Variants in FAM107B observed in about 807,000 individuals in gnomAD.
The protein encoded by FAM107B is protein FAM107B.
FAM107B carries 21 observed loss-of-function variants against 31.5 expected under a neutral mutation model. That is an observed-to-expected ratio of 0.67 (90% CI 0.47 to 0.96). The LOEUF is 0.96. Ranked by LOEUF, FAM107B falls within the 40% of genes least tolerant of loss-of-function variation. The pLI, the probability that FAM107B is intolerant of heterozygous loss-of-function variation, is 0.00. For missense variants in FAM107B, 452 were observed against 377.1 expected, an observed-to-expected ratio of 1.20 and a Z score of -1.64; for synonymous variants, 157 against 141.5, an observed-to-expected ratio of 1.11 and a Z score of -0.78.
intron 1 of FAM107B, among the ~76,000 whole-genome samples, chr10:14,675,007 C>A (rs1374116022): frequency 4.6e-5 from 7 of 152,106 alleles, no homozygotes; most frequent in Admixed American, 3.9e-4. Context: ...TGTTTTTAAG[C>A]CCCTTCTCTG....
chr10:14,675,666 A>G (rs574577770), intron 1 of FAM107B, among the ~76,000 whole-genome samples: 1 of 152,314 alleles, frequency 6.6e-6, no homozygotes, highest in East Asian at 1.9e-4. Context: ...TTCTATTAGG[A>G]GCCATATAAC....
intron 2 of FAM107B, among the ~76,000 whole-genome samples, chr10:14,646,885 C>G (rs1189483187): frequency 6.7e-6 from 1 of 150,146 alleles, no homozygotes; most frequent in East Asian, 2.0e-4. Flanking sequence ...GCTCCGCCTC[C>G]TGGATTCACG....
In FAM107B at chr10:14,519,225, G is replaced by A. The variant is rs766481006; in HGVS notation, c.*1965C>T. ...AGGAACAGAAATGGTCCTTCTAAAG[G>A]AGCCTACCAGGGCCCCTGTGAATAC... On this transcript the variant is annotated 3_prime_UTR_variant, in exon 5 of 5. Transcript: ENST00000181796. The A allele has an allele frequency of 3.3e-5, 5 of 151,870 alleles. No individual in the cohort carries two copies. Among genetic ancestry groups the A allele is most frequent in the Non-Finnish European group, 7.4e-5 (5 of 67,974 alleles). The allele number at this position is 151,870 out of a possible 1,614,324, so 9.4% of individuals were successfully genotyped here.
At chr10:14,547,843 C>A (rs1848843530) in intron 2 of FAM107B, among the ~76,000 whole-genome samples, 1 of 152,162 alleles carries the variant, frequency 6.6e-6, no homozygotes. Context: ...TAAGTTGGCT[C>A]TTATTTGATT....
At chr10:14,657,497 A>G (rs968615646) in intron 2 of FAM107B, among the ~76,000 whole-genome samples, 2 of 152,146 alleles carry the variant, frequency 1.3e-5, no homozygotes, top group African/African-American at 2.4e-5. Flanking sequence ...AGACACCTCC[A>G]GCCCCAAATC....
At chr10:14,560,611 G>C (rs1564567351) in intron 2 of FAM107B, among the ~76,000 whole-genome samples, 1 of 152,158 alleles carries the variant, frequency 6.6e-6, no homozygotes, top group Non-Finnish European at 1.5e-5. Flanking sequence ...AGTCAGACAT[G>C]GCTCACCTGC....
intron 1 of FAM107B, among the ~76,000 whole-genome samples, chr10:14,752,618 T>A (rs994186353): frequency 6.6e-6 from 1 of 152,174 alleles, no homozygotes; most frequent in Non-Finnish European, 1.5e-5. Context: ...TGTTGGCGAC[T>A]ATAAGATGAA....
At chr10:14,620,259 C>A (rs976827081) in intron 2 of FAM107B, among the ~76,000 whole-genome samples, 1 of 148,016 alleles carries the variant, frequency 6.8e-6, no homozygotes, top group Non-Finnish European at 1.5e-5. Context: ...CCTCGTGATC[C>A]GCCCACCTTG....
chr10:14,651,945 T>C (rs543340688), intron 2 of FAM107B, among the ~76,000 whole-genome samples: 66 of 152,200 alleles, frequency 4.3e-4, no homozygotes, highest in African/African-American at 1.5e-3. Context: ...TCAATAAGAT[T>C]CATACAGAGG....
intron 2 of FAM107B, among the ~76,000 whole-genome samples, chr10:14,666,378 C>T (rs548251166): frequency 1.3e-5 from 2 of 152,054 alleles, no homozygotes; most frequent in African/African-American, 2.4e-5. Context: ...GGGAACAGCC[C>T]CTTATAAAAC....
intron 2 of FAM107B, among the ~76,000 whole-genome samples, chr10:14,578,133 C>T (rs1851521128): frequency 6.6e-6 from 1 of 152,078 alleles, no homozygotes; most frequent in Admixed American, 6.5e-5. Context: ...GAAATGGTAA[C>T]GAACTCCGCT....
chr10:14,731,911 G>A (rs980037615), intron 1 of FAM107B, among the ~76,000 whole-genome samples: 1 of 152,146 alleles, frequency 6.6e-6, no homozygotes, highest in Non-Finnish European at 1.5e-5. Flanking sequence ...ATCAGCTAAC[G>A]ATGCATTTCT....
chr10:14,732,086 TG>T (rs1325071627), intron 1 of FAM107B, among the ~76,000 whole-genome samples: 1 of 152,218 alleles, frequency 6.6e-6, no homozygotes, highest in African/African-American at 2.4e-5. Context: ...AACAACACCT[TG>T]CACTCTCAGA....
chr10:14,733,305 T>C (rs1856217306), intron 1 of FAM107B, among the ~76,000 whole-genome samples: 1 of 152,212 alleles, frequency 6.6e-6, no homozygotes, highest in African/African-American at 2.4e-5. Flanking sequence ...ATGTATCTGA[T>C]TCAATTTTTC....
chr10:14,701,914 G>C (rs1277533036), intron 1 of FAM107B, among the ~76,000 whole-genome samples: 1 of 152,156 alleles, frequency 6.6e-6, no homozygotes, highest in Non-Finnish European at 1.5e-5. Context: ...CCTTGGCCAA[G>C]AAAATCTAAT....
chr10:14,536,904 A>T (rs1426335477), intron 2 of FAM107B, among the ~76,000 whole-genome samples: 1 of 152,180 alleles, frequency 6.6e-6, no homozygotes, highest in Non-Finnish European at 1.5e-5. Flanking sequence ...TGCTCTTGGG[A>T]AAGTATCAAA....
At chr10:14,549,895 C>T (rs998137577) in intron 2 of FAM107B, among the ~76,000 whole-genome samples, 2 of 152,150 alleles carry the variant, frequency 1.3e-5, no homozygotes, top group African/African-American at 4.8e-5. Flanking sequence ...TCCTACTTGG[C>T]AAACAAGGAA....
intron 1 of FAM107B, among the ~76,000 whole-genome samples, chr10:14,682,634 C>T (rs1023009322): frequency 2.0e-5 from 3 of 152,118 alleles, no homozygotes; most frequent in African/African-American, 7.2e-5. Flanking sequence ...AGCAAACTAA[C>T]ATAAGAACAG....
chr10:14,541,988 G>T (rs2130970584), intron 2 of FAM107B, among the ~76,000 whole-genome samples: 1 of 152,278 alleles, frequency 6.6e-6, no homozygotes, highest in African/African-American at 2.4e-5. Context: ...GGGCACAGTG[G>T]CTCACGCCTG....
Sources: gnomAD v4.1 joint callset for allele counts (sites outside exome capture counted in the v4.1 genomes callset) on GRCh38, gnomAD v4.1.1 for gene constraint, MANE v1.5 for transcripts, NCBI Gene and HGNC (gene_info 2026-07-23, HGNC 2026-07-21) for gene names.